MAF: variants seen among roughly 807,000 people sequenced by gnomAD.
MAF encodes the protein transcription factor Maf.
A neutral mutation model predicts 22.0 loss-of-function variants in MAF; 10 were observed. The ratio of observed to expected loss-of-function variants is 0.45; its 90% CI spans 0.28 to 0.77. The LOEUF is 0.77. MAF is among the 30% of genes least tolerant of loss of function. The pLI, the probability that MAF is intolerant of heterozygous loss-of-function variation, is 0.12. For missense variants in MAF, 544 were observed against 548.4 expected, an observed-to-expected ratio of 0.99 and a Z score of 0.08; for synonymous variants, 337 against 255.8, an observed-to-expected ratio of 1.32 and a Z score of -3.03.
chr16:79,228,158 C>T, the MAF span, among the ~76,000 whole-genome samples: 5 of 152,216 alleles, frequency 3.3e-5, no homozygotes, highest in African/African-American at 1.2e-4. Context: ...CTGCTTCTGC[C>T]TCCCAAAGGG....
chr16:79,437,369 C>A, the MAF span, among the ~76,000 whole-genome samples: 1 of 152,110 alleles, frequency 6.6e-6, no homozygotes, highest in African/African-American at 2.4e-5. Context: ...TGTAAGAGAA[C>A]CCCAGGCTGC....
the MAF span, among the ~76,000 whole-genome samples, chr16:79,224,304 TCAA>T: frequency 6.6e-6 from 1 of 152,244 alleles, no homozygotes; most frequent in African/African-American, 2.4e-5. Context: ...TCAACAAAAT[TCAA>T]CAACCCTTCA....
At chr16:79,411,497 T>C in the MAF span, among the ~76,000 whole-genome samples, 15 of 152,146 alleles carry the variant, frequency 9.9e-5, no homozygotes, top group Non-Finnish European at 1.8e-4. Flanking sequence ...GCCCTGGAAA[T>C]GTTTGCAGGG....
chr16:79,223,506 T>C, the MAF span, among the ~76,000 whole-genome samples: 8 of 152,082 alleles, frequency 5.3e-5, no homozygotes, highest in African/African-American at 1.4e-4. Context: ...AAGAAATAAC[T>C]AAGATCAGAG....
At chr16:79,564,051 A>G in the MAF span, among the ~76,000 whole-genome samples, 2 of 152,338 alleles carry the variant, frequency 1.3e-5, no homozygotes, top group South Asian at 4.1e-4. Context: ...GGCAGGTGGG[A>G]TGCATTTCAA....
the MAF span, among the ~76,000 whole-genome samples, chr16:79,573,573 G>T: frequency 6.6e-6 from 1 of 152,070 alleles, no homozygotes; most frequent in African/African-American, 2.4e-5. Flanking sequence ...GCAAGAATGC[G>T]TTTTATTTGT....
chr16:79,373,488 C>G, the MAF span, among the ~76,000 whole-genome samples: 3 of 148,516 alleles, frequency 2.0e-5, no homozygotes, highest in African/African-American at 7.4e-5. Context: ...GTTCAAGCGA[C>G]TCTCCTGCCT....
At chr16:79,452,503 A>AT in the MAF span, among the ~76,000 whole-genome samples, 2 of 152,162 alleles carry the variant, frequency 1.3e-5, no homozygotes, top group South Asian at 4.1e-4. Context: ...CTCTAGAAGG[A>AT]TTTTTTAAAA....
At chr16:79,541,798 G>C in the MAF span, among the ~76,000 whole-genome samples, 1 of 151,284 alleles carries the variant, frequency 6.6e-6, no homozygotes, top group East Asian at 2.0e-4. Context: ...TGGGATTAAA[G>C]GCAGGCACCA....
At chr16:79,596,967 A>C in intron 1 of MAF, 1 of 1,052,032 alleles carries the variant, frequency 9.5e-7, no homozygotes, top group Non-Finnish European at 1.1e-6. Context: ...AAGAAAAAAA[A>C]ACATACATTT....
the MAF span, among the ~76,000 whole-genome samples, chr16:79,384,531 G>C: frequency 6.6e-6 from 1 of 151,642 alleles, no homozygotes; most frequent in South Asian, 2.1e-4. Context: ...GCCGAGGCAG[G>C]TGGATCACAA....
At chr16:79,406,982 G>C in the MAF span, among the ~76,000 whole-genome samples, 1 of 152,162 alleles carries the variant, frequency 6.6e-6, no homozygotes, top group Non-Finnish European at 1.5e-5. Flanking sequence ...TGGAGCTGCA[G>C]GGACAGTAGG....
At chr16:79,541,067 G>A in the MAF span, among the ~76,000 whole-genome samples, 2 of 152,050 alleles carry the variant, frequency 1.3e-5, no homozygotes, top group East Asian at 1.9e-4. Context: ...CTATTGACAC[G>A]ATTACTGCTA....
At chr16:79,469,760 C>G in the MAF span, among the ~76,000 whole-genome samples, 1 of 151,984 alleles carries the variant, frequency 6.6e-6, no homozygotes, top group African/African-American at 2.4e-5. Flanking sequence ...CCTTGTCTGG[C>G]TAATTTTTGT....
At chr16:79,255,315 C>A in the MAF span, among the ~76,000 whole-genome samples, 2 of 152,182 alleles carry the variant, frequency 1.3e-5, no homozygotes, top group African/African-American at 4.8e-5. Context: ...TGAGGCCAGT[C>A]TATAGTCTAA....
the MAF span, among the ~76,000 whole-genome samples, chr16:79,506,699 G>T: frequency 1.3e-5 from 2 of 152,204 alleles, no homozygotes; most frequent in Non-Finnish European, 2.9e-5. Flanking sequence ...TGTGCATGGT[G>T]CACCTAGAGG....
the MAF span, among the ~76,000 whole-genome samples, chr16:79,446,530 A>T: frequency 6.6e-6 from 1 of 152,204 alleles, no homozygotes; most frequent in East Asian, 1.9e-4. Context: ...CACTAAAAAG[A>T]TAAAGGTTTG....
the MAF span, among the ~76,000 whole-genome samples, chr16:79,517,027 T>A: frequency 2.6e-5 from 4 of 152,332 alleles, no homozygotes; most frequent in South Asian, 4.1e-4. Flanking sequence ...CAAGTTTTTT[T>A]ATTTTTTTTT....
the MAF span, among the ~76,000 whole-genome samples, chr16:79,369,336 C>A: frequency 6.6e-6 from 1 of 152,126 alleles, no homozygotes; most frequent in African/African-American, 2.4e-5. Context: ...TCTAGTGACC[C>A]CAGTGATTCT....
Sources: allele counts gnomAD v4.1 joint callset (sites outside exome capture counted in the v4.1 genomes callset), GRCh38; gene constraint gnomAD v4.1.1; transcripts MANE v1.5; gene names NCBI Gene and HGNC (gene_info 2026-07-23, HGNC 2026-07-21).